Variants in LIG3 observed in about 807,000 individuals in gnomAD.
The protein encoded by LIG3 is DNA ligase 3, also known as ligase II, DNA, ATP-dependent.
Under a neutral mutation model 110.9 loss-of-function variants are expected in LIG3, and 58 were observed. The ratio of observed to expected loss-of-function variants is 0.52; its 90% confidence interval spans 0.42 to 0.65. The LOEUF is 0.65. Ranked by LOEUF, LIG3 falls within the 30% of genes least tolerant of loss-of-function variation. The pLI, the probability that LIG3 is intolerant of heterozygous loss-of-function variation, is 0.00. For missense variants in LIG3, 1,094 were observed against 1,273.8 expected, an observed-to-expected ratio of 0.86 and a Z score of 2.15; for synonymous variants, 422 against 472.8, an observed-to-expected ratio of 0.89 and a Z score of 1.39.
chr17:34,981,931 G>T (rs2090598746), intron 1 of LIG3, among the ~76,000 whole-genome samples: 1 of 152,218 alleles, frequency 6.6e-6, no homozygotes, highest in African/African-American at 2.4e-5. Context: ...TCTGATTCAA[G>T]TTGCTGAATG....
chr17:35,004,540 C>A lies in LIG3; in HGVS notation c.*34C>A. On this transcript the variant is annotated 3_prime_UTR_variant, in exon 20 of 20. Transcript: ENST00000378526. ...TCTTCCCTCTCCCTCAGGCCATACT[C>A]TCCTTTACCATACTACTGGACTGGA... is the stretch of plus-strand genomic sequence containing the variant. 6.4e-7 allele frequency: 1 copy of A among 1,553,010 alleles called. No homozygotes were observed. The highest frequency in any genetic ancestry group is 8.9e-7 in the Non-Finnish European group (1 of 1,125,426).
chr17:34,999,928 T>C, intron 16 of LIG3, 72 bp downstream of exon 16: 3 of 1,240,468 alleles, frequency 2.4e-6, no homozygotes, highest in Non-Finnish European at 3.5e-6. Flanking sequence ...CCATAGAGAA[T>C]CCATCTCACC....
At chr17:35,002,875 G>A in intron 19 of LIG3, 86 bp downstream of exon 19, 1 of 1,579,992 alleles carries the variant, frequency 6.3e-7, no homozygotes, top group Non-Finnish European at 8.6e-7. Flanking sequence ...TTTGAAAGAG[G>A]ATGAGCAAAG....
intron 2 of LIG3, among the ~76,000 whole-genome samples, chr17:34,985,560 C>G (rs2090646337): frequency 6.6e-6 from 1 of 152,180 alleles, no homozygotes; most frequent in South Asian, 2.1e-4. Flanking sequence ...CCTTCCTATG[C>G]TAGGTTGACA....
In LIG3 at chr17:34,999,004, C is replaced by A. The variant is rs117961739; in HGVS notation, c.2113+277C>A. On this transcript the variant is annotated intron_variant, in intron 14 of 19. Transcript: ENST00000378526. ...TGACAGCTTTCTCCTCAGGCAAAATCTCTTTCCTGACTGGAAAGGAAGCTG... is the reference window on the plus strand; with the variant it reads ...TGACAGCTTTCTCCTCAGGCAAAATATCTTTCCTGACTGGAAAGGAAGCTG... The A allele has an allele frequency of 2.2e-3, 1,101 of 506,762 alleles. 28 individuals carry two copies. The East Asian group carries it at 0.032, about 15-fold the overall frequency. The allele number at this position is 506,762 out of a possible 1,614,324, so 31.4% of individuals were successfully genotyped here. A position where few individuals can be genotyped will look rare whatever the true frequency, so the allele number is the denominator to read the frequency against.
intron 13 of LIG3, 107 bp from the exon 14 acceptor site, chr17:34,998,497 C>G: frequency 7.0e-7 from 1 of 1,423,038 alleles, no homozygotes; most frequent in Non-Finnish European, 9.7e-7. Flanking sequence ...GGCTCTTACC[C>G]TGAGGGAGGG....
intron 9 of LIG3, among the ~76,000 whole-genome samples, chr17:34,994,698 G>A (rs570093759): frequency 6.6e-6 from 1 of 152,284 alleles, no homozygotes; most frequent in African/African-American, 2.4e-5. Context: ...AGTGATATTG[G>A]GACAGTGAGC....
Position 34,996,639 on chromosome 17 carries a change from C to A in LIG3, c.1809C>A (p.Val603=). 6.2e-7 allele frequency: 1 copy of A among 1,613,736 alleles called. No homozygotes were observed. Among genetic ancestry groups the A allele is most frequent in the South Asian group, 1.1e-5 (1 of 91,066 alleles). The change falls in exon 11 of 20, where the codon GTC becomes GTA. Residue 603 remains valine, a synonymous_variant. Transcript: ENST00000378526. ...FVFDCIYFND[V]SLMDRPLCER... is the part of the protein sequence containing the mutation. ...TTGATTGTATCTACTTTAATGATGT[C>A]AGCTTGATGGACAGGTGAGTTGGCT... is the stretch of plus-strand genomic sequence containing the variant.
At position 35,004,309 on chromosome 17, in the gene LIG3, T is replaced by A. The variant is rs1251505009; in HGVS notation, c.2833T>A (p.Leu945Met). 1 of 1,614,186 alleles carries A rather than the reference T, an allele frequency of 6.2e-7. No individual in the cohort carries two copies. Among genetic ancestry groups the A allele is most frequent in the East Asian group, 2.2e-5 (1 of 44,882 alleles). The part of the protein sequence containing the change: ...LDIFTGVRLY[L>M]PPSTPDFSRL... ...CATCTTCACTGGGGTGCGGCTTTAC[T>A]TGCCACCCTCCACACCAGACTTCAG... The change falls in exon 20 of 20, where the codon TTG (leucine) becomes ATG (methionine). Residue 945 changes from leucine (L) to methionine (M), a missense_variant. Leu to Met is a conservative substitution (Grantham distance 15). Coordinates refer to ENST00000378526, the MANE Select transcript of LIG3 (RefSeq NM_013975.4).
chr17:34,999,258 G>T, intron 14 of LIG3, 49 bp from the exon 15 acceptor site: 1 of 1,575,350 alleles, frequency 6.3e-7, no homozygotes, highest in South Asian at 1.2e-5. Context: ...TCTTGGGACT[G>T]GCAGAGATGG....
chr17:34,999,782 G>T lies in LIG3; in HGVS notation c.2257G>T (p.Asp753Tyr). The change falls in exon 16 of 20, where the codon GAC becomes TAC. Residue 753 changes from aspartate to tyrosine, a missense_variant and splice_region_variant. Coordinates refer to ENST00000378526, the MANE Select transcript of LIG3 (RefSeq NM_013975.4). ...NELDMVKISK[D>Y]PSKIPSWLKV... ...CAAAGTAGCATCTTTTCTCCTCTAG[G>T]ACCCCAGCAAAATACCCAGCTGGTT... is the stretch of plus-strand genomic sequence containing the variant. 1 of 1,613,688 alleles carries T rather than the reference G, an allele frequency of 6.2e-7. No individual in the cohort carries two copies. Among genetic ancestry groups the T allele is most frequent in the East Asian group, 2.2e-5 (1 of 44,856 alleles).
rs1273003051 is a variant in LIG3 at position 34,995,722 on chromosome 17, G to A, written c.1612-342G>A. Reference sequence around the variant, plus strand: ...CCAGCCTGATAGTCACACATCTTCTGCAGTAGGCACTAATCTCTGCCCACC... The same window carrying A: ...CCAGCCTGATAGTCACACATCTTCTACAGTAGGCACTAATCTCTGCCCACC... On this transcript the variant is annotated intron_variant, in intron 9 of 19. Coordinates refer to ENST00000378526, the MANE Select transcript of LIG3 (RefSeq NM_013975.4). Among the ~76,000 whole-genome samples the A allele has an allele frequency of 2.6e-5, 4 of 152,120 alleles. No homozygotes were observed. In the South Asian group the frequency reaches 6.2e-4, roughly 24 times the overall value.
At position 35,008,473 on chromosome 17, in the gene LIG3, A is replaced by C. The variant is rs1344128050; in HGVS notation, c.*3967A>C. 2 of 150,934 alleles carry C rather than the reference A, an allele frequency of 1.3e-5. No individual in the cohort carries two copies. The highest frequency in any genetic ancestry group is 4.9e-5 in the African/African-American group (2 of 40,940). 9.3% of individuals were successfully genotyped at this position (150,934 alleles called of 1,614,324 possible). ...TTTTAATACAGGGTCTCACTCTGTCACCCTGGCTGGAGTGCGGTGGCGATC... is the reference window on the plus strand; with the variant it reads ...TTTTAATACAGGGTCTCACTCTGTCCCCCTGGCTGGAGTGCGGTGGCGATC... On this transcript the variant is annotated 3_prime_UTR_variant, in exon 20 of 20. Coordinates refer to ENST00000378526, the MANE Select transcript of LIG3 (RefSeq NM_013975.4).
Position 35,005,992 on chromosome 17 carries a change from G to T in LIG3, c.*1486G>T. ...TTGATAATACCAACAATGTTGAGTG[G>T]CATTTTCTTCTTAGTTTTTAATTTC... is the stretch of plus-strand genomic sequence containing the variant. On this transcript the variant is annotated 3_prime_UTR_variant, in exon 20 of 20. Coordinates refer to ENST00000378526, the MANE Select transcript of LIG3 (RefSeq NM_013975.4). 4.1e-6 allele frequency: 1 copy of T among 242,400 alleles called. No homozygotes were observed. 15.0% of individuals were successfully genotyped at this position (242,400 alleles called of 1,614,324 possible).
chr17:35,001,294 C>T lies in LIG3; in HGVS notation c.2369C>T (p.Ser790Phe), dbSNP rs745651661. ...AVWEITGAEF[S>F]KSEAHTADGI... is the part of the protein sequence containing the mutation. ...TGGGAGATCACAGGGGCTGAATTCT[C>T]CAAATCGGAGGCTCATACAGCTGAC... Residue 790 changes from serine to phenylalanine, a missense_variant, in exon 17 of 20, where the codon TCC becomes TTC. Physicochemically the swap from Ser to Phe is radical, Grantham distance 155 (BLOSUM62 -2). Transcript: ENST00000378526. 6.2e-7 allele frequency: 1 copy of T among 1,614,046 alleles called. No individual in the cohort carries two copies. The highest frequency in any genetic ancestry group is 8.5e-7 in the Non-Finnish European group (1 of 1,180,018).
intron 11 of LIG3, 84 bp downstream of exon 11, chr17:34,996,737 T>A (rs1209234860): frequency 1.7e-5 from 21 of 1,216,084 alleles, no homozygotes; most frequent in Non-Finnish European, 2.4e-5. Context: ...GGCTTCAGGT[T>A]GGAAAGGAGG....
At chr17:35,002,824 A>G (rs1567695326) in intron 19 of LIG3, 35 bp downstream of exon 19, 2 of 1,574,128 alleles carry the variant, frequency 1.3e-6, no homozygotes, top group Admixed American at 1.7e-5. Context: ...CACGTGGGCC[A>G]GTTTAGCCCA....
At chr17:34,988,843 C>T (rs892267038) in intron 3 of LIG3, among the ~76,000 whole-genome samples, 1 of 152,152 alleles carries the variant, frequency 6.6e-6, no homozygotes, top group African/African-American at 2.4e-5. Flanking sequence ...CCTCAGTCCC[C>T]TTATCAGTAA....
chr17:35,003,885 C>G (rs138246042), intron 19 of LIG3: 15 of 194,622 alleles, frequency 7.7e-5, no homozygotes, highest in Non-Finnish European at 1.2e-4. Context: ...AGCAGGACTC[C>G]TGACCCCTCA....
Sources: gnomAD v4.1 joint callset for allele counts (sites outside exome capture counted in the v4.1 genomes callset) on GRCh38, gnomAD v4.1.1 for gene constraint, MANE v1.5 for transcripts, NCBI Gene and HGNC (gene_info 2026-07-23, HGNC 2026-07-21) for gene names.